The following NRF1 variants were observed in gnomAD, a reference collection of about 807,000 sequenced individuals.
The protein encoded by NRF1 is nuclear respiratory factor 1.
Under a neutral mutation model 58.5 loss-of-function variants are expected in NRF1, and 5 were observed. That is an observed-to-expected ratio of 0.09 (90% confidence interval 0.04 to 0.18). NRF1 has a LOEUF of 0.18. NRF1 is among the 10% of genes least tolerant of loss of function. The probability of loss-of-function intolerance (pLI) is 1.00; values close to 1 mark genes in which losing one functional copy is unlikely to be tolerated. For synonymous variants in NRF1, 224 were observed against 246.7 expected (o/e 0.91, Z 0.86); for missense variants, 288 against 657.7 (o/e 0.44, Z 6.15).
At chr7:129,707,565 A>T (rs1030217351) in intron 5 of NRF1, among the ~76,000 whole-genome samples, 5 of 152,222 alleles carry the variant, frequency 3.3e-5, no homozygotes, top group African/African-American at 7.2e-5. Context: ...CTCCCAAGAA[A>T]TTAGAATAAA....
At chr7:129,673,490 G>T (rs1258320721) in intron 3 of NRF1, among the ~76,000 whole-genome samples, 1 of 152,208 alleles carries the variant, frequency 6.6e-6, no homozygotes. Flanking sequence ...AGCACTTTGG[G>T]AGGCCGAGGC....
chr7:129,659,032 A>C (rs560903333), intron 2 of NRF1, among the ~76,000 whole-genome samples: 77 of 150,988 alleles, frequency 5.1e-4, no homozygotes, highest in African/African-American at 1.7e-3. Context: ...AACAATCTCA[A>C]GAGGATTTGA....
intron 5 of NRF1, among the ~76,000 whole-genome samples, chr7:129,691,828 C>T (rs1802576355): frequency 6.6e-6 from 1 of 152,104 alleles, no homozygotes; most frequent in Admixed American, 6.5e-5. Flanking sequence ...TCACTAGGTG[C>T]TCCCCTCATC....
chr7:129,753,317 G>A (rs1352825711), intron 10 of NRF1, among the ~76,000 whole-genome samples: 1 of 152,124 alleles, frequency 6.6e-6, no homozygotes, highest in African/African-American at 2.4e-5. Context: ...TGGATGTTGG[G>A]GTTGGTCTAA....
chr7:129,699,063 T>C (rs1208014614), intron 5 of NRF1, among the ~76,000 whole-genome samples: 1 of 152,202 alleles, frequency 6.6e-6, no homozygotes, highest in Non-Finnish European at 1.5e-5. Flanking sequence ...CTCACCTTCC[T>C]TGAACTTACT....
intron 10 of NRF1, among the ~76,000 whole-genome samples, chr7:129,729,718 T>C (rs903638029): frequency 1.3e-5 from 2 of 152,250 alleles, no homozygotes; most frequent in African/African-American, 4.8e-5. Context: ...ACTTTGGGAT[T>C]GGAACCAGAT....
At chr7:129,619,433 T>TATATATATATACACAC (rs1554401492) in intron 1 of NRF1, among the ~76,000 whole-genome samples, 6 of 65,874 alleles carry the variant, frequency 9.1e-5, no homozygotes, top group Admixed American at 5.8e-4. Flanking sequence ...TATATATATA[T>TATATATATATACACAC]ACACACACAC....
chr7:129,685,336 AGCTCAGGAATTCGAG>A (rs1444132280), intron 4 of NRF1, among the ~76,000 whole-genome samples: 1 of 152,120 alleles, frequency 6.6e-6, no homozygotes, highest in African/African-American at 2.4e-5. Context: ...GGATCACTGG[AGCTCAGGAATTCGAG>A]GCTGCAGTGA....
chr7:129,649,127 T>G (rs1018971047), intron 1 of NRF1, among the ~76,000 whole-genome samples: 1 of 152,238 alleles, frequency 6.6e-6, no homozygotes, highest in Non-Finnish European at 1.5e-5. Context: ...GGAATTGTTT[T>G]TAATTTTTAC....
chr7:129,727,102 T>C (rs912800157), intron 9 of NRF1, 139 bp from the exon 10 acceptor site: 8 of 762,638 alleles, frequency 1.0e-5, no homozygotes, highest in African/African-American at 1.8e-5. Context: ...CTATTAGCAC[T>C]GTTATCACAT....
chr7:129,645,167 A>C (rs955098355), intron 1 of NRF1, among the ~76,000 whole-genome samples: 1 of 152,150 alleles, frequency 6.6e-6, no homozygotes, highest in Non-Finnish European at 1.5e-5. Flanking sequence ...ATGTCCCCTT[A>C]AGCCCTTTTT....
intron 9 of NRF1, among the ~76,000 whole-genome samples, chr7:129,724,723 T>C (rs1803411104): frequency 6.6e-6 from 1 of 152,208 alleles, no homozygotes; most frequent in South Asian, 2.1e-4. Context: ...TGTGGATGAA[T>C]CTTGAGCACA....
Position 129,622,401 on chromosome 7 carries a change from A to G in NRF1, c.-7+10577A>G, listed in dbSNP as rs531757975. Among the ~76,000 whole-genome samples, 6 of 152,272 alleles carry G rather than the reference A, an allele frequency of 3.9e-5. No homozygotes were observed. In the South Asian group the frequency reaches 1.0e-3, roughly 26 times the overall value. The stretch of plus-strand genomic sequence containing the variant: ...TTTCTTCTAAATTAAAATTTCTTCC[A>G]AAATCGATTCTAAGTCTGTGTTACA... On this transcript the variant is annotated intron_variant, in intron 1 of 10. Transcript: ENST00000393232.
At chr7:129,672,930 G>A (rs1000170065) in intron 3 of NRF1, among the ~76,000 whole-genome samples, 2 of 152,138 alleles carry the variant, frequency 1.3e-5, no homozygotes, top group Admixed American at 6.5e-5. Context: ...GGTCACTTAG[G>A]GAGTGAGTAT....
At chr7:129,625,311 C>G (rs1022746843) in intron 1 of NRF1, among the ~76,000 whole-genome samples, 4 of 152,138 alleles carry the variant, frequency 2.6e-5, no homozygotes, top group African/African-American at 9.7e-5. Context: ...ACGCTTTCTT[C>G]AAGTGAGGTA....
intron 5 of NRF1, among the ~76,000 whole-genome samples, chr7:129,700,491 A>G (rs1453730351): frequency 2.0e-5 from 3 of 152,206 alleles, no homozygotes; most frequent in African/African-American, 4.8e-5. Flanking sequence ...ATGGATCACA[A>G]TTCCAAACTG....
At chr7:129,744,130 C>CCT in intron 10 of NRF1, 2 of 1,211,580 alleles carry the variant, frequency 1.7e-6, no homozygotes, top group African/African-American at 1.8e-5. Flanking sequence ...TTGCCCGGTG[C>CCT]TTTTTTTTTT....
chr7:129,745,678 G>C (rs1803960762), intron 10 of NRF1, among the ~76,000 whole-genome samples: 1 of 152,172 alleles, frequency 6.6e-6, no homozygotes, highest in East Asian at 1.9e-4. Context: ...AGGCCTTGCA[G>C]TTAGCTTGTT....
At chr7:129,708,977 TGGA>T (rs1359798992) in intron 5 of NRF1, 95 bp from the exon 6 acceptor site, 5 of 1,081,558 alleles carry the variant, frequency 4.6e-6, no homozygotes, top group Non-Finnish European at 6.2e-6. Context: ...GGGACCTTCC[TGGA>T]AACCTCTCTG....
Sources: gnomAD v4.1 joint callset for allele counts (sites outside exome capture counted in the v4.1 genomes callset) on GRCh38, gnomAD v4.1.1 for gene constraint, MANE v1.5 for transcripts, NCBI Gene and HGNC (gene_info 2026-07-23, HGNC 2026-07-21) for gene names.